The following RBSN variants were observed in gnomAD, a reference collection of about 807,000 sequenced individuals.
RBSN encodes the protein rabenosyn-5.
A neutral mutation model predicts 60.5 loss-of-function variants in RBSN; 34 were observed. That is an observed-to-expected ratio of 0.56 (90% CI 0.43 to 0.75). The LOEUF (loss-of-function observed/expected upper bound fraction) is 0.75. Among genes scored for constraint, RBSN ranks in the 30% least tolerant of loss-of-function variants. The pLI, the probability that RBSN is intolerant of heterozygous loss-of-function variation, is 0.00. For missense variants in RBSN, 845 were observed against 986.8 expected (o/e 0.86, Z 1.92); for synonymous variants, 322 against 366.9 (o/e 0.88, Z 1.40).
chr3:15,075,220 C>A, intron 13 of RBSN: 5 of 571,164 alleles, frequency 8.8e-6, no homozygotes, highest in Non-Finnish European at 1.2e-5. Context: ...AGGTCTGTTC[C>A]CCTCATCTAC....
intron 12 of RBSN, 61 bp downstream of exon 12, chr3:15,077,000 TG>T: frequency 7.0e-7 from 1 of 1,427,700 alleles, no homozygotes; most frequent in East Asian, 2.3e-5. Context: ...ATCTGCCTCC[TG>T]GGAAGCAAAA....
intron 10 of RBSN, among the ~76,000 whole-genome samples, chr3:15,078,787 T>C (rs1239875952): frequency 0.021 from 907 of 43,352 alleles, 8 homozygotes; most frequent in Non-Finnish European, 0.027. Flanking sequence ...TACATATATA[T>C]ATATATATAT....
chr3:15,082,732 G>A lies in RBSN; in HGVS notation c.599-124C>T, dbSNP rs2043237852. Reference sequence around the variant, plus strand: ...AGTAATAAGATCAGGCTCCAGCTGTGGGCACGTACTGCCCCTCTGCCTTCC... The same window carrying A: ...AGTAATAAGATCAGGCTCCAGCTGTAGGCACGTACTGCCCCTCTGCCTTCC... On this transcript the variant is annotated intron_variant, in intron 8 of 13. Transcript: ENST00000253699. This position sits in a 1 kb window ranked among gnomAD's most constrained non-coding sequence, Gnocchi z 4.2. 1.5e-6 allele frequency: 2 copies of A among 1,372,568 alleles called. No homozygotes were observed. The highest frequency in any genetic ancestry group is 2.8e-5 in the South Asian group (2 of 70,220). 85.0% of individuals were successfully genotyped at this position (1,372,568 alleles called of 1,614,324 possible). A position where few individuals can be genotyped will look rare whatever the true frequency, so the allele number is the denominator to read the frequency against.
rs770391152 is a variant in RBSN, at chr3:15,077,366, C to T, written c.999-202G>A. 5.3e-5 allele frequency among the ~76,000 whole-genome samples: 8 copies of T among 152,194 alleles called. No homozygotes were observed. Among genetic ancestry groups the T allele is most frequent in the Non-Finnish European group, 8.8e-5 (6 of 68,040 alleles). ...ACAGGCCTTAGCAAAGGGCGCACAA[C>T]ACTGTTATGGAGTGACTGACTACAC... On this transcript the variant is annotated intron_variant, in intron 11 of 13. Transcript: ENST00000253699. The surrounding 1 kb of genome is among the most constrained non-coding windows in gnomAD (Gnocchi z 4.4).
In RBSN at chr3:15,085,854, A is replaced by T. The variant is rs1311683389; in HGVS notation, c.390+7T>A. 1 of 1,607,056 alleles carries T rather than the reference A, an allele frequency of 6.2e-7. No homozygotes were observed. Among genetic ancestry groups the T allele is most frequent in the South Asian group, 1.1e-5 (1 of 90,064 alleles). On this transcript the variant is annotated splice_region_variant and intron_variant, in intron 6 of 13. Coordinates refer to ENST00000253699, the MANE Select transcript of RBSN (RefSeq NM_022340.4). The stretch of plus-strand genomic sequence containing the variant: ...AGAAAAAAATGTTTTAAGACAACAA[A>T]ATTTACCTTCTCTAACCTGATTATT...
At chr3:15,096,462 T>G (rs2043660375) in intron 3 of RBSN, 73 bp downstream of exon 3, 1 of 192,920 alleles carries the variant, frequency 5.2e-6, no homozygotes, top group East Asian at 1.3e-4. Context: ...AAACCTAAAA[T>G]GTGAAAACAT....
At chr3:15,075,257 C>T in intron 13 of RBSN, 2 of 591,132 alleles carry the variant, frequency 3.4e-6, no homozygotes, top group East Asian at 3.4e-5. Context: ...GCGTTAAATA[C>T]ACATATAATT....
chr3:15,098,197 G>C lies in RBSN; in HGVS notation c.-423C>G, dbSNP rs765922172. On this transcript the variant is annotated 5_prime_UTR_variant, in exon 2 of 14. Transcript: ENST00000253699. ...GCAGGTACATACGTGAAGTGACCAA[G>C]TAAGACTGTAAAATCTGGGAGGGCA... is the stretch of plus-strand genomic sequence containing the variant. 6.6e-6 allele frequency: 1 copy of C among 152,074 alleles called. No individual in the cohort carries two copies. Among genetic ancestry groups the C allele is most frequent in the Non-Finnish European group, 1.5e-5 (1 of 68,048 alleles). 9.4% of individuals were successfully genotyped at this position (152,074 alleles called of 1,614,324 possible).
At chr3:15,093,601 G>A (rs1389313064) in intron 4 of RBSN, among the ~76,000 whole-genome samples, 1 of 152,098 alleles carries the variant, frequency 6.6e-6, no homozygotes, top group African/African-American at 2.4e-5. Context: ...TCGCTATGTT[G>A]CCCAGTCTGG....
intron 4 of RBSN, chr3:15,091,265 G>A: frequency 4.1e-6 from 1 of 246,194 alleles, no homozygotes; most frequent in Non-Finnish European, 5.7e-6. Flanking sequence ...TTAAAATAAT[G>A]TTTTTTAAAA....
At chr3:15,090,638 G>T in intron 4 of RBSN, 99 bp from the exon 5 acceptor site, 1 of 1,495,602 alleles carries the variant, frequency 6.7e-7, no homozygotes, top group Non-Finnish European at 8.9e-7. Flanking sequence ...AATAATTATC[G>T]TTTGTTTAAA....
chr3:15,087,381 G>A (rs1302162368), intron 5 of RBSN, among the ~76,000 whole-genome samples: 1 of 152,122 alleles, frequency 6.6e-6, no homozygotes, highest in African/African-American at 2.4e-5. Context: ...TGGGCATGGT[G>A]GTGCACGCCT....
chr3:15,082,481 A>C lies in RBSN; in HGVS notation c.726T>G (p.Asp242Glu). 6.2e-7 allele frequency: 1 copy of C among 1,614,044 alleles called. No homozygotes were observed. The highest frequency in any genetic ancestry group is 1.1e-5 in the South Asian group (1 of 91,068). The stretch of plus-strand genomic sequence containing the variant: ...AGCGGATCCGGTCATCGTCCTTCTC[A>C]TCCAGGACCGAGCTGACACTGCTCA... ...SSMSSVSSVL[D>E]EKDDDRIRCC... The change falls in exon 9 of 14, where the codon GAT becomes GAG. Residue 242 changes from aspartate (D) to glutamate (E), a missense_variant. Asp to Glu is a conservative substitution (Grantham distance 45, BLOSUM62 2). Transcript: ENST00000253699. The surrounding 1 kb of genome is among the most constrained non-coding windows in gnomAD (Gnocchi z 4.2).
In RBSN at chr3:15,082,954, C is replaced by A. The variant is rs896906545; in HGVS notation, c.599-346G>T. On this transcript the variant is annotated intron_variant, in intron 8 of 13. Transcript: ENST00000253699. The surrounding 1 kb of genome is among the most constrained non-coding windows in gnomAD (Gnocchi z 4.2). ...TACCCTCTCTGAATGGCAGGTCCTCCAGGAAAGCCTTTTCCAATTCCCTGA... is the reference window on the plus strand; with the variant it reads ...TACCCTCTCTGAATGGCAGGTCCTCAAGGAAAGCCTTTTCCAATTCCCTGA... Among the ~76,000 whole-genome samples the A allele has an allele frequency of 3.9e-5, 6 of 152,188 alleles. No individual in the cohort carries two copies. Among genetic ancestry groups the A allele is most frequent in the Non-Finnish European group, 8.8e-5 (6 of 68,020 alleles).
chr3:15,079,702 C>G (rs1239076341), intron 10 of RBSN, among the ~76,000 whole-genome samples: 1 of 152,110 alleles, frequency 6.6e-6, no homozygotes, highest in Non-Finnish European at 1.5e-5. Context: ...ATTTATGATT[C>G]TATTTATATG....
intron 4 of RBSN, among the ~76,000 whole-genome samples, chr3:15,093,877 A>T (rs56108643): frequency 3.3e-5 from 5 of 151,292 alleles, no homozygotes; most frequent in Non-Finnish European, 5.9e-5. Flanking sequence ...AATTAAAAAA[A>T]ATTTTTTTTT....
At position 15,074,010 on chromosome 3, in the gene RBSN, GTTACCAGGAACCAGAGGGC is replaced by G; in HGVS notation, c.2108_2126del (p.Ser703ThrfsTer26). 2 of 1,614,106 alleles carry G rather than the reference GTTACCAGGAACCAGAGGGC, an allele frequency of 1.2e-6. No homozygotes were observed. Among genetic ancestry groups the G allele is most frequent in the Non-Finnish European group, 1.7e-6 (2 of 1,180,026 alleles). On this transcript the variant is annotated frameshift_variant, in exon 14 of 14. Transcript: ENST00000253699. LOFTEE classifies it high-confidence loss of function. This position sits in a 1 kb window ranked among gnomAD's most constrained non-coding sequence, Gnocchi z 6.4. ...TGATACAGGTGGGTTCCTCAAAGGGGTTACCAGGAACCAGAGGGCTTGAGAGCCTCTGCTGGGGATGTTC... is the reference window on the plus strand; with the variant it reads ...TGATACAGGTGGGTTCCTCAAAGGGGTTGAGAGCCTCTGCTGGGGATGTTC...
chr3:15,074,668 C>T lies in RBSN; in HGVS notation c.1469G>A (p.Arg490Gln), dbSNP rs767772894. 20 of 1,614,144 alleles carry T rather than the reference C, an allele frequency of 1.2e-5. No individual in the cohort carries two copies. The highest frequency in any genetic ancestry group is 5.5e-5 in the South Asian group (5 of 91,094). The change falls in exon 14 of 14, where the codon CGG becomes CAG. Residue 490 changes from arginine (R) to glutamine (Q), a missense_variant. Physicochemically the swap from Arg to Gln is conservative, Grantham distance 43. Coordinates refer to ENST00000253699, the MANE Select transcript of RBSN (RefSeq NM_022340.4). The surrounding 1 kb of genome is among the most constrained non-coding windows in gnomAD (Gnocchi z 6.4). ...DEVRTLQENL[R>Q]QLQDEYDQQQ... Reference sequence around the variant, plus strand: ...CTGGTCATACTCGTCCTGCAGCTGCCGCAGGTTCTCCTGCAGAGTGCGCAC... The same window carrying T: ...CTGGTCATACTCGTCCTGCAGCTGCTGCAGGTTCTCCTGCAGAGTGCGCAC...
chr3:15,090,260 C>T, intron 5 of RBSN, 139 bp downstream of exon 5: 1 of 910,658 alleles, frequency 1.1e-6, no homozygotes, highest in Non-Finnish European at 1.6e-6. Flanking sequence ...TTTTCTTCCC[C>T]CAGCAAGGGC....
Sources: gnomAD v4.1 joint callset for allele counts (sites outside exome capture counted in the v4.1 genomes callset) on GRCh38, gnomAD v4.1.1 for gene constraint, Gnocchi (gnomAD v3.1) non-coding constraint, MANE v1.5 for transcripts, NCBI Gene and HGNC (gene_info 2026-07-23, HGNC 2026-07-21) for gene names.